FGF1: variants seen among roughly 807,000 people sequenced by gnomAD.
FGF1 encodes the protein fibroblast growth factor 1.
Under a neutral mutation model 13.4 loss-of-function variants are expected in FGF1, and 9 were observed. The ratio of observed to expected loss-of-function variants is 0.67; its 90% CI spans 0.40 to 1.17. The LOEUF (loss-of-function observed/expected upper bound fraction) is 1.17, where lower values mean the gene tolerates loss of function less well. Ranked by LOEUF, FGF1 falls within the 50% of genes most tolerant of loss-of-function variation. The probability of loss-of-function intolerance (pLI) is 0.01; values close to 1 mark genes in which losing one functional copy is unlikely to be tolerated. For missense variants in FGF1, 156 were observed against 192.7 expected, an observed-to-expected ratio of 0.81 and a Z score of 1.13; for synonymous variants, 93 against 79.0, an observed-to-expected ratio of 1.18 and a Z score of -0.94.
At chr5:142,664,698 T>C (rs1769968004) in intron 1 of FGF1, among the ~76,000 whole-genome samples, 1 of 152,238 alleles carries the variant, frequency 6.6e-6, no homozygotes, top group African/African-American at 2.4e-5. Context: ...GTTTCATTCA[T>C]GACACCGTCG....
intron 1 of FGF1, among the ~76,000 whole-genome samples, chr5:142,624,196 A>T: frequency 6.6e-6 from 1 of 152,152 alleles, no homozygotes; most frequent in East Asian, 1.9e-4. Flanking sequence ...CTGGGATTAC[A>T]GGCGTGAGCC....
At chr5:142,667,660 GGA>G (rs1232456841) in intron 1 of FGF1, among the ~76,000 whole-genome samples, 1 of 152,002 alleles carries the variant, frequency 6.6e-6, no homozygotes, top group Non-Finnish European at 1.5e-5. Flanking sequence ...AGGCTGATGG[GGA>G]GAGAGAAAGG....
chr5:142,649,824 C>T lies in FGF1; in HGVS notation c.-34-35663G>A, dbSNP rs139755763. Among the ~76,000 whole-genome samples, 720 of 152,056 alleles carry T rather than the reference C, an allele frequency of 4.7e-3. 5 individuals are homozygous for T. Among genetic ancestry groups the T allele is most frequent in the African/African-American group, 0.016 (672 of 41,470 alleles). ...TTAAACTTTCTGACTTTTGTTTTAC[C>T]GTATACACTTTTAACAGTTCTCTTA... On this transcript the variant is annotated intron_variant, in intron 1 of 3. Transcript: ENST00000337706.
intron 2 of FGF1, among the ~76,000 whole-genome samples, chr5:142,604,956 G>T (rs1368512505): frequency 3.3e-5 from 5 of 152,186 alleles, no homozygotes; most frequent in African/African-American, 1.2e-4. Flanking sequence ...CCCATCTGTA[G>T]CCATGGAATG....
intron 1 of FGF1, among the ~76,000 whole-genome samples, chr5:142,622,404 A>G (rs959548120): frequency 6.6e-6 from 1 of 152,230 alleles, no homozygotes; most frequent in Admixed American, 6.5e-5. Flanking sequence ...GTGATGTCCT[A>G]TAGGTATTGA....
At chr5:142,610,646 G>T (rs1758843313) in intron 2 of FGF1, among the ~76,000 whole-genome samples, 1 of 152,112 alleles carries the variant, frequency 6.6e-6, no homozygotes, top group Non-Finnish European at 1.5e-5. Flanking sequence ...GGCTGATTCT[G>T]CCTGGCCTTC....
At chr5:142,673,306 G>A (rs1373800408) in intron 1 of FGF1, among the ~76,000 whole-genome samples, 1 of 152,096 alleles carries the variant, frequency 6.6e-6, no homozygotes, top group Non-Finnish European at 1.5e-5. Flanking sequence ...CAGGAATAGT[G>A]GAGTTGGTCC....
At chr5:142,653,398 T>C (rs7706716) in intron 1 of FGF1, among the ~76,000 whole-genome samples, 5,740 of 152,218 alleles carry the variant, frequency 0.038, 158 homozygotes, top group Middle Eastern at 0.14. Flanking sequence ...AAGGAGCACA[T>C]AGAAGTGAAG....
chr5:142,602,578 T>C (rs1234513527), intron 2 of FGF1, among the ~76,000 whole-genome samples: 1 of 152,172 alleles, frequency 6.6e-6, no homozygotes, highest in Non-Finnish European at 1.5e-5. Flanking sequence ...GCACATCTCC[T>C]GGGGGGATGC....
chr5:142,688,621 C>A (rs1012300543), upstream of FGF1, among the ~76,000 whole-genome samples: 3 of 152,200 alleles, frequency 2.0e-5, no homozygotes, highest in Admixed American at 2.0e-4. Context: ...GCCATTTCTG[C>A]CCTGATAAAA....
chr5:142,615,311 G>C (rs974927213), intron 1 of FGF1, among the ~76,000 whole-genome samples: 4 of 151,934 alleles, frequency 2.6e-5, no homozygotes, highest in Non-Finnish European at 4.4e-5. Context: ...TTGGCCTCCC[G>C]GGTCCCAGTT....
chr5:142,599,882 GCACTTAGA>G (rs1756114684), intron 3 of FGF1, among the ~76,000 whole-genome samples: 1 of 152,182 alleles, frequency 6.6e-6, no homozygotes, highest in Non-Finnish European at 1.5e-5. Context: ...ACCTAACATG[GCACTTAGA>G]CACAGGAGAC....
At chr5:142,598,095 C>G (rs891208672) in intron 3 of FGF1, among the ~76,000 whole-genome samples, 2 of 152,110 alleles carry the variant, frequency 1.3e-5, no homozygotes, top group Non-Finnish European at 2.9e-5. Context: ...TGCAGACATT[C>G]GTGTTTGATG....
At chr5:142,674,253 T>G (rs910847175) in intron 1 of FGF1, among the ~76,000 whole-genome samples, 3 of 152,220 alleles carry the variant, frequency 2.0e-5, no homozygotes, top group Non-Finnish European at 4.4e-5. Context: ...TACTTTTTCG[T>G]GTGTTATGCT....
intron 1 of FGF1, among the ~76,000 whole-genome samples, chr5:142,638,642 T>C (rs1764672454): frequency 6.6e-6 from 1 of 152,010 alleles, no homozygotes; most frequent in Non-Finnish European, 1.5e-5. Context: ...TTTTTGGATA[T>C]GATTCCAAAA....
intron 1 of FGF1, among the ~76,000 whole-genome samples, chr5:142,655,343 C>G (rs763861468): frequency 3.9e-5 from 6 of 152,154 alleles, no homozygotes; most frequent in Non-Finnish European, 7.3e-5. Context: ...GAGACCTGCT[C>G]CCAGCACACT....
chr5:142,622,058 C>G (rs1761730797), intron 1 of FGF1, among the ~76,000 whole-genome samples: 1 of 152,216 alleles, frequency 6.6e-6, no homozygotes, highest in Non-Finnish European at 1.5e-5. Context: ...TTTAATGTCT[C>G]TTTTCATGAC....
rs750586330 is a variant in FGF1 at position 142,595,368 on chromosome 5, C to T, written c.390G>A (p.Gly130=). Residue 130 remains glycine, a synonymous_variant, in exon 4 of 4, where the codon GGG becomes GGA. Coordinates refer to ENST00000337706, the MANE Select transcript of FGF1 (RefSeq NM_000800.5). ...KNWFVGLKKN[G]SCKRGPRTHY... ...GAGTCCGAGGACCGCGTTTGCAGCT[C>T]CCATTCTTCTTGAGGCCAACAAACC... 11 of 1,614,062 alleles carry T rather than the reference C, an allele frequency of 6.8e-6. No homozygotes were observed. Among genetic ancestry groups the T allele is most frequent in the Non-Finnish European group, 8.5e-6 (10 of 1,179,948 alleles).
At chr5:142,611,866 C>G (rs1041108757) in intron 2 of FGF1, among the ~76,000 whole-genome samples, 5 of 152,130 alleles carry the variant, frequency 3.3e-5, no homozygotes, top group Admixed American at 3.3e-4. Context: ...CAATACGACC[C>G]TGTGTTACCA....
Sources: allele counts gnomAD v4.1 joint callset (sites outside exome capture counted in the v4.1 genomes callset), GRCh38; gene constraint gnomAD v4.1.1; transcripts MANE v1.5; gene names NCBI Gene and HGNC (gene_info 2026-07-23, HGNC 2026-07-21).